BCAR3: variants seen among roughly 807,000 people sequenced by gnomAD.
BCAR3 encodes breast cancer anti-estrogen resistance protein 3.
A neutral mutation model predicts 80.1 loss-of-function variants in BCAR3; 37 were observed. The observed-to-expected ratio is 0.46, with a 90% CI of 0.36 to 0.61. BCAR3 has a LOEUF of 0.61. Among genes scored for constraint, BCAR3 ranks in the 20% least tolerant of loss-of-function variants. The pLI is 0.00. For synonymous variants in BCAR3, 389 were observed against 418.9 expected (o/e 0.93, Z 0.87); for missense variants, 978 against 1,068.2 (o/e 0.92, Z 1.18).
chr1:93,730,740 T>C (rs1405362684), intron 2 of BCAR3, among the ~76,000 whole-genome samples: 2 of 152,184 alleles, frequency 1.3e-5, no homozygotes, highest in African/African-American at 4.8e-5. Context: ...AAAACATGTC[T>C]GGGATCTCCC....
rs1382234634 is a variant in BCAR3, at chr1:93,791,120, G to A, written c.-63+54447C>T. ...ATAATGCCGCAATAAACATACGTGT[G>A]CATGTGTCTTTATAGCAGCATGATT... is the stretch of plus-strand genomic sequence containing the variant. On this transcript the variant is annotated intron_variant, in intron 2 of 13. Transcript: ENST00000370244. 1.3e-4 allele frequency among the ~76,000 whole-genome samples: 11 copies of A among 81,660 alleles called. 3 individuals carry two copies. In the East Asian group the frequency reaches 7.0e-3, roughly 52 times the overall value. The allele number at this position is 81,660 out of a possible 152,430, so 53.6% of individuals were successfully genotyped here. A position where few individuals can be genotyped will look rare whatever the true frequency, so the allele number is the denominator to read the frequency against.
intron 2 of BCAR3, among the ~76,000 whole-genome samples, chr1:93,644,157 T>G (rs574689383): frequency 6.6e-6 from 1 of 152,352 alleles, no homozygotes; most frequent in African/African-American, 2.4e-5. Context: ...GGGGGAAAAT[T>G]TGCATCTGTA....
intron 2 of BCAR3, among the ~76,000 whole-genome samples, chr1:93,837,465 C>A (rs527497540): frequency 1.1e-4 from 16 of 152,300 alleles, no homozygotes; most frequent in African/African-American, 3.8e-4. Flanking sequence ...ACCCACTCAG[C>A]TCCTGTTCCT....
At chr1:93,703,889 A>T (rs1462766463) in intron 3 of BCAR3, among the ~76,000 whole-genome samples, 1 of 152,260 alleles carries the variant, frequency 6.6e-6, no homozygotes, top group Non-Finnish European at 1.5e-5. Context: ...CGAGTGCACG[A>T]GTCAGGTAAT....
chr1:93,626,636 G>C (rs1018869167), intron 3 of BCAR3, among the ~76,000 whole-genome samples: 2 of 152,136 alleles, frequency 1.3e-5, no homozygotes, highest in African/African-American at 4.8e-5. Context: ...ACTCTACCAG[G>C]GGCCATTGCA....
chr1:93,653,936 G>A (rs932340872), intron 2 of BCAR3, among the ~76,000 whole-genome samples: 7 of 152,248 alleles, frequency 4.6e-5, no homozygotes, highest in East Asian at 1.9e-4. Context: ...ATCATCTCCC[G>A]CTGGACACCT....
intron 2 of BCAR3, among the ~76,000 whole-genome samples, chr1:93,742,881 G>A (rs1215837443): frequency 6.6e-6 from 1 of 152,122 alleles, no homozygotes; most frequent in Non-Finnish European, 1.5e-5. Flanking sequence ...TTGCCAAAAT[G>A]TCATCATATA....
intron 2 of BCAR3, among the ~76,000 whole-genome samples, chr1:93,769,354 AATGTGT>A (rs1652270380): frequency 1.2e-5 from 1 of 82,560 alleles, no homozygotes; most frequent in South Asian, 5.0e-4. Flanking sequence ...TGTGGGTAGG[AATGTGT>A]GTGTGTGTGT....
intron 11 of BCAR3, among the ~76,000 whole-genome samples, chr1:93,563,909 G>C (rs1458005610): frequency 6.6e-6 from 1 of 152,042 alleles, no homozygotes; most frequent in Non-Finnish European, 1.5e-5. Context: ...GGCCAGGCTG[G>C]TCTCGAACTT....
intron 3 of BCAR3, among the ~76,000 whole-genome samples, chr1:93,699,438 TC>T (rs954150242): frequency 2.6e-5 from 4 of 151,674 alleles, no homozygotes; most frequent in Non-Finnish European, 4.4e-5. Flanking sequence ...ACTCCTTGCC[TC>T]CCCAACCCCA....
intron 3 of BCAR3, chr1:93,605,501 C>T (rs1385363529): frequency 6.6e-6 from 1 of 152,248 alleles, no homozygotes; most frequent in Non-Finnish European, 1.5e-5. Context: ...GCTTTCTTAA[C>T]ATCTTTAAAG....
At chr1:93,640,837 T>C (rs966977549) in intron 3 of BCAR3, among the ~76,000 whole-genome samples, 3 of 152,266 alleles carry the variant, frequency 2.0e-5, no homozygotes, top group Non-Finnish European at 2.9e-5. Flanking sequence ...GGCAGTACAC[T>C]TGCTGAGCAC....
chr1:93,784,878 A>T (rs1308664451), intron 2 of BCAR3, among the ~76,000 whole-genome samples: 2 of 152,216 alleles, frequency 1.3e-5, no homozygotes, highest in Non-Finnish European at 2.9e-5. Flanking sequence ...GGAAACTTTG[A>T]CGTTGGTGCT....
At chr1:93,755,871 T>C (rs748726195) in intron 2 of BCAR3, among the ~76,000 whole-genome samples, 6 of 152,224 alleles carry the variant, frequency 3.9e-5, no homozygotes, top group Non-Finnish European at 5.9e-5. Flanking sequence ...TTTTGTATCA[T>C]TTAAATTTTT....
At chr1:93,845,502 A>ATCAATCATGTTGTCAAG in intron 2 of BCAR3, 1 of 113,822 alleles carries the variant, frequency 8.8e-6, no homozygotes, top group East Asian at 2.5e-4. Flanking sequence ...ATATATATAT[A>ATCAATCATGTTGTCAAG]AAACTTTGTT....
intron 1 of BCAR3, chr1:93,681,242 C>G (rs1369421148): frequency 6.6e-6 from 1 of 152,170 alleles, no homozygotes; most frequent in African/African-American, 2.4e-5. Context: ...GCAGCTCCGA[C>G]GGGCAGGGGG....
intron 3 of BCAR3, among the ~76,000 whole-genome samples, chr1:93,621,004 T>C (rs1336956059): frequency 6.6e-6 from 1 of 152,078 alleles, no homozygotes; most frequent in African/African-American, 2.4e-5. Flanking sequence ...GCCAAGTGGC[T>C]GAGTGGATGA....
chr1:93,768,269 T>G (rs61319797), intron 2 of BCAR3, among the ~76,000 whole-genome samples: 5 of 126,730 alleles, frequency 3.9e-5, no homozygotes, highest in Non-Finnish European at 8.3e-5. Flanking sequence ...GTGTGTGTGT[T>G]TGTGTGTGTG....
Position 93,728,870 on chromosome 1 carries a change from G to A in BCAR3, c.-62-22728C>T, listed in dbSNP as rs529496869. Among the ~76,000 whole-genome samples, 11 of 152,142 alleles carry A rather than the reference G, an allele frequency of 7.2e-5. No homozygotes were observed. In the South Asian group the frequency reaches 2.3e-3, roughly 32 times the overall value. On this transcript the variant is annotated intron_variant, in intron 2 of 13. Coordinates refer to the BCAR3 transcript ENST00000370244. ...GATGGGGGCGCGGCAGGCCAGGGTGGTCTTGGGAAATGCAACATTTGGGCA... is the reference window on the plus strand; with the variant it reads ...GATGGGGGCGCGGCAGGCCAGGGTGATCTTGGGAAATGCAACATTTGGGCA...
Sources: allele counts gnomAD v4.1 joint callset (sites outside exome capture counted in the v4.1 genomes callset), GRCh38; gene constraint gnomAD v4.1.1; transcripts MANE v1.5; gene names NCBI Gene and HGNC (gene_info 2026-07-23, HGNC 2026-07-21).